Variants in SPAG17 observed in about 807,000 individuals in gnomAD.
SPAG17 encodes the protein sperm-associated antigen 17.
SPAG17 carries 169 observed loss-of-function variants against 273.6 expected under a neutral mutation model. The observed-to-expected ratio is 0.62, with a 90% CI of 0.55 to 0.70. The LOEUF is 0.70. SPAG17 is among the 30% of genes least tolerant of loss of function. The pLI is 0.00. For missense variants in SPAG17, 2,557 were observed against 2,627.8 expected, an observed-to-expected ratio of 0.97 and a Z score of 0.59; for synonymous variants, 825 against 873.2, an observed-to-expected ratio of 0.94 and a Z score of 0.97.
At chr1:117,964,112 A>T in intron 47 of SPAG17, 174 bp from the exon 48 acceptor site, 1 of 601,890 alleles carries the variant, frequency 1.7e-6, no homozygotes, top group Non-Finnish European at 2.8e-6. Context: ...GAGGATGGAT[A>T]TGCCAATGTC....
At chr1:118,116,228 C>T (rs906922829) in intron 3 of SPAG17, among the ~76,000 whole-genome samples, 1 of 152,128 alleles carries the variant, frequency 6.6e-6, no homozygotes, top group Non-Finnish European at 1.5e-5. Flanking sequence ...AATAAAATCA[C>T]GTAAAATATA....
At chr1:118,119,016 C>T (rs950600440) in intron 3 of SPAG17, among the ~76,000 whole-genome samples, 1 of 152,186 alleles carries the variant, frequency 6.6e-6, no homozygotes, top group African/African-American at 2.4e-5. Flanking sequence ...CTAAGCATTC[C>T]TCTTCTCTCT....
At chr1:118,022,821 G>A (rs1571264755) in intron 28 of SPAG17, among the ~76,000 whole-genome samples, 1 of 152,280 alleles carries the variant, frequency 6.6e-6, no homozygotes, top group East Asian at 1.9e-4. Flanking sequence ...GGGGTGACAG[G>A]TGGAGTTCTG....
chr1:118,085,213 T>TA (rs368653641), intron 13 of SPAG17, among the ~76,000 whole-genome samples: 3 of 151,990 alleles, frequency 2.0e-5, no homozygotes, highest in African/African-American at 7.2e-5. Flanking sequence ...CTTCTCTAAT[T>TA]AAAAAAAGAA....
chr1:118,002,188 C>G (rs1228655942), intron 32 of SPAG17, among the ~76,000 whole-genome samples: 1 of 152,108 alleles, frequency 6.6e-6, no homozygotes, highest in African/African-American at 2.4e-5. Flanking sequence ...GTCTGAGAGA[C>G]AGTTTGTTGT....
chr1:118,118,890 A>G (rs1183672137), intron 3 of SPAG17, among the ~76,000 whole-genome samples: 1 of 152,236 alleles, frequency 6.6e-6, no homozygotes, highest in African/African-American at 2.4e-5. Flanking sequence ...GGCTCAAAGA[A>G]TTACATCATA....
At position 118,068,448 on chromosome 1, in the gene SPAG17, G is replaced by A. The variant is rs189431654; in HGVS notation, c.2386-1549C>T. Among the ~76,000 whole-genome samples the A allele has an allele frequency of 5.7e-4, 86 of 152,082 alleles. No individual in the cohort carries two copies. The East Asian group carries it at 9.1e-3, about 16-fold the overall frequency. On this transcript the variant is annotated intron_variant, in intron 17 of 48. Coordinates refer to ENST00000336338, the MANE Select transcript of SPAG17 (RefSeq NM_206996.4). Reference sequence around the variant, plus strand: ...CACTATAAACCCAGAAAACCATTGCGTTTATGATGAATATATATCCTTTCT... The same window carrying A: ...CACTATAAACCCAGAAAACCATTGCATTTATGATGAATATATATCCTTTCT...
intron 32 of SPAG17, among the ~76,000 whole-genome samples, chr1:117,999,182 G>C (rs533674354): frequency 2.5e-4 from 38 of 152,268 alleles, no homozygotes; most frequent in Non-Finnish European, 4.0e-4. Context: ...TGTCTGCATA[G>C]TATTCCATGG....
At chr1:118,101,060 C>T (rs534646588) in intron 5 of SPAG17, among the ~76,000 whole-genome samples, 2 of 152,326 alleles carry the variant, frequency 1.3e-5, no homozygotes, top group African/African-American at 4.8e-5. Context: ...AGTCAACTGG[C>T]TATCTCAGCC....
At chr1:118,091,885 G>T in intron 9 of SPAG17, 45 bp downstream of exon 9, 1 of 1,586,034 alleles carries the variant, frequency 6.3e-7, no homozygotes, top group East Asian at 2.2e-5. Flanking sequence ...CTCTTAAAGT[G>T]CCAGCTCATG....
rs56768861 is a variant in SPAG17 at position 118,081,058 on chromosome 1, TACACACACAC to T, written c.2209+33_2209+42del. 2.8e-3 allele frequency: 3,419 copies of T among 1,211,812 alleles called. 10 individuals are homozygous for T. Among genetic ancestry groups the T allele is most frequent in the African/African-American group, 9.3e-3 (615 of 66,186 alleles). 75.1% of individuals were successfully genotyped at this position (1,211,812 alleles called of 1,614,324 possible). A position where few individuals can be genotyped will look rare whatever the true frequency, so the allele number is the denominator to read the frequency against. ...ATTTATGTGTACTATAATAGTGTCT[TACACACACAC>T]ACACACACACACACACACACACTTT... On this transcript the variant is annotated intron_variant, in intron 15 of 48. Coordinates refer to ENST00000336338, the MANE Select transcript of SPAG17 (RefSeq NM_206996.4).
At chr1:118,121,925 T>C (rs888774684) in intron 3 of SPAG17, among the ~76,000 whole-genome samples, 1 of 152,244 alleles carries the variant, frequency 6.6e-6, no homozygotes, top group African/African-American at 2.4e-5. Context: ...TTACCATTTC[T>C]ATCTAATTAT....
chr1:117,986,371 C>G (rs1209182498), intron 40 of SPAG17, among the ~76,000 whole-genome samples: 1 of 152,172 alleles, frequency 6.6e-6, no homozygotes, highest in Non-Finnish European at 1.5e-5. Flanking sequence ...TCTACAGCAT[C>G]TGACATTTGC....
At chr1:117,973,168 T>G (rs772002796) in intron 44 of SPAG17, among the ~76,000 whole-genome samples, 1 of 152,182 alleles carries the variant, frequency 6.6e-6, no homozygotes, top group Admixed American at 6.5e-5. Context: ...CTCATAAAAT[T>G]TCTCCCAGCA....
At chr1:118,077,624 C>T (rs1275792353) in intron 15 of SPAG17, among the ~76,000 whole-genome samples, 4 of 152,142 alleles carry the variant, frequency 2.6e-5, no homozygotes, top group Non-Finnish European at 5.9e-5. Flanking sequence ...CCCAGAGTGA[C>T]TTCCCTGTCA....
Position 118,031,674 on chromosome 1 carries a change from A to G in SPAG17, c.3609+18T>C, listed in dbSNP as rs1648489362. The G allele has an allele frequency of 6.2e-7, 1 of 1,610,418 alleles. No individual in the cohort carries two copies. Among genetic ancestry groups the G allele is most frequent in the African/African-American group, 1.3e-5 (1 of 74,512 alleles). The stretch of plus-strand genomic sequence containing the variant: ...AAGCAGAAACAGAGTTTGGGAATCT[A>G]TGGCAAGGTTCATTTACCTTTTTCT... On this transcript the variant is annotated intron_variant, in intron 25 of 48. Transcript: ENST00000336338.
chr1:118,012,140 G>T (rs1659538546), intron 30 of SPAG17, 88 bp downstream of exon 30: 4 of 1,309,768 alleles, frequency 3.1e-6, no homozygotes, highest in Non-Finnish European at 4.2e-6. Flanking sequence ...TTTTTCTTAT[G>T]TGTATGTTCA....
intron 48 of SPAG17, chr1:117,960,590 G>C (rs1652941815): frequency 6.6e-6 from 1 of 152,118 alleles, no homozygotes; most frequent in Admixed American, 6.5e-5. Context: ...AGTTTACTGG[G>C]GCGATGAGTT....
intron 48 of SPAG17, among the ~76,000 whole-genome samples, chr1:117,957,809 T>G (rs1403384732): frequency 6.6e-6 from 1 of 152,198 alleles, no homozygotes; most frequent in Non-Finnish European, 1.5e-5. Context: ...TGTTTTAAAG[T>G]GTTTAGTGTA....
Sources: gnomAD v4.1 joint callset for allele counts (sites outside exome capture counted in the v4.1 genomes callset) on GRCh38, gnomAD v4.1.1 for gene constraint, MANE v1.5 for transcripts, NCBI Gene and HGNC (gene_info 2026-07-23, HGNC 2026-07-21) for gene names.